ADCY1: variants seen among roughly 807,000 people sequenced by gnomAD.
The protein encoded by ADCY1 is adenylate cyclase type 1.
ADCY1 carries 28 observed loss-of-function variants against 105.4 expected under a neutral mutation model. The observed-to-expected ratio is 0.27, with a 90% CI of 0.20 to 0.36. The LOEUF (loss-of-function observed/expected upper bound fraction) is 0.36. Ranked by LOEUF, ADCY1 falls within the 10% of genes least tolerant of loss-of-function variation. ADCY1 has a pLI of 1.00. For missense variants in ADCY1, 977 were observed against 1,434.2 expected, an observed-to-expected ratio of 0.68 and a Z score of 5.15; for synonymous variants, 655 against 623.8, an observed-to-expected ratio of 1.05 and a Z score of -0.75.
chr7:45,671,236 G>T (rs1026063931), intron 8 of ADCY1, among the ~76,000 whole-genome samples: 3 of 152,086 alleles, frequency 2.0e-5, no homozygotes, highest in Admixed American at 6.6e-5. Flanking sequence ...TTATGCCCCT[G>T]GGATCCATCC....
chr7:45,665,962 G>A (rs1350516303), intron 8 of ADCY1, among the ~76,000 whole-genome samples: 1 of 152,202 alleles, frequency 6.6e-6, no homozygotes, highest in East Asian at 1.9e-4. Context: ...TAAATGGTGT[G>A]TCTGTTTTAA....
chr7:45,670,105 G>A (rs749660284), intron 8 of ADCY1, among the ~76,000 whole-genome samples: 7 of 152,312 alleles, frequency 4.6e-5, no homozygotes, highest in Admixed American at 1.3e-4. Flanking sequence ...GTATTAAGAT[G>A]CTTAGCCTGG....
intron 17 of ADCY1, among the ~76,000 whole-genome samples, chr7:45,706,734 C>G (rs1785128526): frequency 6.6e-6 from 1 of 152,062 alleles, no homozygotes; most frequent in Admixed American, 6.6e-5. Flanking sequence ...AAAACTCCTA[C>G]TCTGTGAAAA....
At chr7:45,589,451 T>C (rs1792841956) in intron 1 of ADCY1, among the ~76,000 whole-genome samples, 1 of 152,198 alleles carries the variant, frequency 6.6e-6, no homozygotes, top group Admixed American at 6.5e-5. Flanking sequence ...CGAGCCTGCC[T>C]TTCTTGTCAT....
At chr7:45,706,125 A>G (rs1280643661) in intron 17 of ADCY1, among the ~76,000 whole-genome samples, 1 of 152,160 alleles carries the variant, frequency 6.6e-6, no homozygotes, top group African/African-American at 2.4e-5. Context: ...GTTCTTCCCA[A>G]TTTGATTTAT....
chr7:45,576,342 ACAGT>A lies in ADCY1; in HGVS notation c.639+1164_639+1167del, dbSNP rs367978525. On this transcript the variant is annotated intron_variant, in intron 1 of 19. Coordinates refer to ENST00000297323, the MANE Select transcript of ADCY1 (RefSeq NM_021116.4). ...TAGACTGTGATGCCAGGGGCAGCAC[ACAGT>A]CAGAGGAGCCATGAGATGCTCAACC... 4.8e-3 allele frequency among the ~76,000 whole-genome samples: 730 copies of A among 152,248 alleles called. 18 individuals carry two copies. The highest frequency in any genetic ancestry group is 0.04 in the South Asian group (194 of 4,822).
At chr7:45,658,142 G>T (rs926922405) in intron 6 of ADCY1, among the ~76,000 whole-genome samples, 4 of 152,278 alleles carry the variant, frequency 2.6e-5, no homozygotes, top group Non-Finnish European at 4.4e-5. Context: ...GGACCAGAAG[G>T]CCAGAGCAGA....
chr7:45,589,791 G>GTT (rs201038858), intron 1 of ADCY1, among the ~76,000 whole-genome samples: 5 of 149,236 alleles, frequency 3.4e-5, no homozygotes, highest in African/African-American at 9.8e-5. Context: ...TCCACCGTGG[G>GTT]TTTTTTTTTT....
chr7:45,693,588 T>C lies in ADCY1; in HGVS notation c.2454+6915T>C, dbSNP rs1784823196. ...GAGAGTGTATGTGTCAAGGAATGTA[T>C]CCATTTCTTCTAGATTTTCTAGTTT... On this transcript the variant is annotated intron_variant, in intron 14 of 19. Coordinates refer to ENST00000297323, the MANE Select transcript of ADCY1 (RefSeq NM_021116.4). Among the ~76,000 whole-genome samples, 3 of 151,554 alleles carry C rather than the reference T, an allele frequency of 2.0e-5. No individual in the cohort carries two copies. The South Asian group carries it at 6.3e-4, about 32-fold the overall frequency.
At chr7:45,632,694 G>T (rs930104812) in intron 4 of ADCY1, among the ~76,000 whole-genome samples, 7 of 152,048 alleles carry the variant, frequency 4.6e-5, no homozygotes, top group Non-Finnish European at 8.8e-5. Context: ...CTCCTGAGTA[G>T]CTGGGACGAC....
At chr7:45,579,716 T>G (rs1236646408) in intron 1 of ADCY1, among the ~76,000 whole-genome samples, 1 of 152,092 alleles carries the variant, frequency 6.6e-6, no homozygotes, top group African/African-American at 2.4e-5. Context: ...CCTCCTGCTG[T>G]GTGGTGGCCT....
chr7:45,596,232 C>T (rs142962261), intron 2 of ADCY1, among the ~76,000 whole-genome samples: 3,209 of 152,368 alleles, frequency 0.021, 59 homozygotes, highest in South Asian at 0.09. Context: ...GTTTTAATTT[C>T]ATTCATGACA....
chr7:45,629,829 C>T (rs376102976), intron 4 of ADCY1, among the ~76,000 whole-genome samples: 2 of 152,170 alleles, frequency 1.3e-5, no homozygotes, highest in East Asian at 1.9e-4. Flanking sequence ...GTATGCTTAA[C>T]TTTTTATGAA....
intron 12 of ADCY1, among the ~76,000 whole-genome samples, chr7:45,685,755 T>A (rs535176014): frequency 1.3e-5 from 2 of 152,214 alleles, no homozygotes; most frequent in Non-Finnish European, 2.9e-5. Context: ...TGGTCCTCCC[T>A]GGAGCCTCTT....
chr7:45,704,531 A>G lies in ADCY1; in HGVS notation c.2732A>G (p.Asp911Gly). ...IADFDELMEK[D>G]FYKDIEKIKT... ...TTTTAAACAAAGCTCATGGAAAAAGACTTTTACAAGGACATAGAGAAGATC... is the reference window on the plus strand; with the variant it reads ...TTTTAAACAAAGCTCATGGAAAAAGGCTTTTACAAGGACATAGAGAAGATC... Residue 911 changes from aspartate to glycine, a missense_variant, in exon 17 of 20, where the codon GAC becomes GGC. By Grantham distance (94) the Asp-to-Gly change is moderately conservative. Around this residue, in one of 7 missense-constraint regions of ADCY1, gnomAD observed 152 missense variants for 293.7 expected, o/e 0.52. Coordinates refer to ENST00000297323, the MANE Select transcript of ADCY1 (RefSeq NM_021116.4). 1 of 1,614,114 alleles carries G rather than the reference A, an allele frequency of 6.2e-7. No individual in the cohort carries two copies. Among genetic ancestry groups the G allele is most frequent in the Non-Finnish European group, 8.5e-7 (1 of 1,179,954 alleles).
In ADCY1 at chr7:45,610,306, G is replaced by A. The variant is rs375128627; in HGVS notation, c.790-73G>A. The stretch of plus-strand genomic sequence containing the variant: ...GGCTCAGGGGCCCGGCGCCCTTACT[G>A]GGGAGGGTGAGGTGAGGAGGAGTGG... On this transcript the variant is annotated intron_variant, in intron 2 of 19. Transcript: ENST00000297323. 7.0e-5 allele frequency: 97 copies of A among 1,389,820 alleles called. No homozygotes were observed. The Middle Eastern group carries it at 2.5e-3, about 36-fold the overall frequency. The allele number at this position is 1,389,820 out of a possible 1,614,324, so 86.1% of individuals were successfully genotyped here.
Position 45,648,178 on chromosome 7 carries a change from G to C in ADCY1, c.1021-492G>C, listed in dbSNP as rs1253589227. Among the ~76,000 whole-genome samples the C allele has an allele frequency of 5.3e-5, 8 of 152,240 alleles. No homozygotes were observed. The East Asian group carries it at 1.2e-3, about 22-fold the overall frequency. The stretch of plus-strand genomic sequence containing the variant: ...GGGAGTGTGCCCTGTGGGTGGGGAG[G>C]TCAGAAGCCCCAGGGACACCCAGAT... On this transcript the variant is annotated intron_variant, in intron 4 of 19. Coordinates refer to ENST00000297323, the MANE Select transcript of ADCY1 (RefSeq NM_021116.4).
At chr7:45,582,583 T>G (rs866833233) in intron 1 of ADCY1, among the ~76,000 whole-genome samples, 2,004 of 26,696 alleles carry the variant, frequency 0.075, 14 homozygotes, top group Non-Finnish European at 0.086. Flanking sequence ...GGGTGGGGGG[T>G]GGTGGGGGAT....
chr7:45,676,462 G>C (rs1489480371), intron 8 of ADCY1, among the ~76,000 whole-genome samples: 1 of 151,818 alleles, frequency 6.6e-6, no homozygotes, highest in Non-Finnish European at 1.5e-5. Flanking sequence ...ATTATGTTGT[G>C]ATACTCTGGA....
Sources: allele counts gnomAD v4.1 joint callset (sites outside exome capture counted in the v4.1 genomes callset), GRCh38; gene constraint gnomAD v4.1.1; regional missense constraint gnomAD v4.1.1; transcripts MANE v1.5; gene names NCBI Gene and HGNC (gene_info 2026-07-23, HGNC 2026-07-21).